Variants in HDAC9 observed in about 807,000 individuals in gnomAD.
The protein encoded by HDAC9 is histone deacetylase 9.
A neutral mutation model predicts 139.4 loss-of-function variants in HDAC9; 41 were observed. That is an observed-to-expected ratio of 0.29 (90% CI 0.23 to 0.38). The LOEUF (loss-of-function observed/expected upper bound fraction) is 0.38. Among genes scored for constraint, HDAC9 ranks in the 10% least tolerant of loss-of-function variants. The probability of loss-of-function intolerance (pLI) is 1.00; values close to 1 mark genes in which losing one functional copy is unlikely to be tolerated. For synonymous variants in HDAC9, 517 were observed against 476.2 expected, an observed-to-expected ratio of 1.09 and a Z score of -1.12; for missense variants, 1,147 against 1,297.0, an observed-to-expected ratio of 0.88 and a Z score of 1.78.
At chr7:18,901,927 G>T (rs927671382) in intron 22 of HDAC9, among the ~76,000 whole-genome samples, 9 of 152,130 alleles carry the variant, frequency 5.9e-5, no homozygotes, top group African/African-American at 2.2e-4. Context: ...CACAAGTTTT[G>T]TCTGGCCTTA....
intron 1 of HDAC9, among the ~76,000 whole-genome samples, chr7:18,138,458 A>T (rs997725031): frequency 6.6e-6 from 1 of 151,788 alleles, no homozygotes; most frequent in East Asian, 1.9e-4. Context: ...TGGAATAGAG[A>T]TGAGAGGGAG....
At chr7:18,119,125 T>C (rs968469076) in intron 1 of HDAC9, among the ~76,000 whole-genome samples, 28 of 152,176 alleles carry the variant, frequency 1.8e-4, no homozygotes, top group Admixed American at 4.6e-4. Flanking sequence ...GTCAAGAACA[T>C]GATAACAAAC....
At chr7:18,232,053 CTCA>C (rs2128184079) in intron 2 of HDAC9, among the ~76,000 whole-genome samples, 1 of 152,290 alleles carries the variant, frequency 6.6e-6, no homozygotes, top group African/African-American at 2.4e-5. Flanking sequence ...TTGTTGCTTA[CTCA>C]TCATAATTAT....
At chr7:18,356,058 A>AATTTATGG (rs1562910714) in intron 1 of HDAC9, among the ~76,000 whole-genome samples, 1 of 152,240 alleles carries the variant, frequency 6.6e-6, no homozygotes, top group East Asian at 1.9e-4. Flanking sequence ...TAAATGACCA[A>AATTTATGG]ATTTATGGTA....
rs571792108 is a variant in HDAC9, at chr7:18,278,456, A to G, written c.25+116107A>G. Among the ~76,000 whole-genome samples the G allele has an allele frequency of 2.8e-3, 427 of 152,338 alleles. 2 individuals are homozygous for G. Among genetic ancestry groups the G allele is most frequent in the Middle Eastern group, 6.8e-3 (2 of 294 alleles). On this transcript the variant is annotated intron_variant, in intron 2 of 12. Coordinates refer to the HDAC9 transcript ENST00000417496. ...TATAAATAGCTTTGCTGAGAGAGCA[A>G]CAAAGTTCTGTATTGTGCTGTTGCC...
At chr7:18,412,988 A>C (rs1285073953) in intron 1 of HDAC9, among the ~76,000 whole-genome samples, 1 of 152,194 alleles carries the variant, frequency 6.6e-6, no homozygotes, top group Non-Finnish European at 1.5e-5. Context: ...CAAGGTTTTA[A>C]AATATGTCCA....
chr7:18,995,612 C>A (rs1342636297), intron 25 of HDAC9, among the ~76,000 whole-genome samples: 1 of 152,156 alleles, frequency 6.6e-6, no homozygotes, highest in Non-Finnish European at 1.5e-5. Flanking sequence ...AAACCAGAGC[C>A]CTAGTGAGTC....
intron 13 of HDAC9, among the ~76,000 whole-genome samples, chr7:18,747,475 G>A (rs965681556): frequency 6.6e-6 from 1 of 152,212 alleles, no homozygotes; most frequent in Non-Finnish European, 1.5e-5. Flanking sequence ...AAGGTTTCTC[G>A]TATGAACAAT....
At chr7:18,745,528 A>ATT (rs1787861012) in intron 13 of HDAC9, among the ~76,000 whole-genome samples, 1 of 129,670 alleles carries the variant, frequency 7.7e-6, no homozygotes. Flanking sequence ...TAGACTCTCT[A>ATT]CTCTTTTTTT....
intron 1 of HDAC9, among the ~76,000 whole-genome samples, chr7:18,426,086 A>G (rs1191655441): frequency 6.6e-6 from 1 of 152,188 alleles, no homozygotes; most frequent in Non-Finnish European, 1.5e-5. Context: ...CAGTGTTTTC[A>G]TTTGATTTTT....
chr7:18,850,081 T>TAAAAAAAAAAAAAAAAAAAAA, intron 21 of HDAC9, among the ~76,000 whole-genome samples: 1 of 82,310 alleles, frequency 1.2e-5, no homozygotes, highest in Non-Finnish European at 2.6e-5. Context: ...AAAGCCTGAG[T>TAAAAAAAAAAAAAAAAAAAAA]AAAAAAAAAA....
chr7:18,892,057 ACAAT>A (rs1324181304), intron 22 of HDAC9: 1 of 152,220 alleles, frequency 6.6e-6, no homozygotes, highest in African/African-American at 2.4e-5. Flanking sequence ...CTCCCATGTA[ACAAT>A]CAAGAAAAGA....
intron 1 of HDAC9, among the ~76,000 whole-genome samples, chr7:18,451,836 C>G (rs1022847023): frequency 7.2e-5 from 11 of 151,890 alleles, no homozygotes; most frequent in African/African-American, 2.7e-4. Context: ...AAGCTTCACT[C>G]AAAGAAAAGA....
At chr7:18,716,696 G>A (rs543544659) in intron 12 of HDAC9, among the ~76,000 whole-genome samples, 1 of 152,278 alleles carries the variant, frequency 6.6e-6, no homozygotes, top group Non-Finnish European at 1.5e-5. Flanking sequence ...AAACAGTGTT[G>A]TTAAATAGGT....
At chr7:18,981,106 G>A (rs980907081) in intron 25 of HDAC9, among the ~76,000 whole-genome samples, 3 of 152,064 alleles carry the variant, frequency 2.0e-5, no homozygotes, top group Non-Finnish European at 2.9e-5. Context: ...TTACAGGTGT[G>A]AGCCACCGTG....
rs78400766 is a variant in HDAC9 at position 18,654,504 on chromosome 7, T to C, written c.1467+5821T>C. Among the ~76,000 whole-genome samples the C allele has an allele frequency of 4.7e-3, 712 of 152,188 alleles. 5 individuals carry two copies. Among genetic ancestry groups the C allele is most frequent in the African/African-American group, 0.016 (674 of 41,548 alleles). ...CTCACTCTTTTTTAGTTCAAGAAAA[T>C]TAATTTTACAGGGCTGAAGTAGATT... On this transcript the variant is annotated intron_variant, in intron 11 of 25. Coordinates refer to ENST00000686413, the MANE Select transcript of HDAC9 (RefSeq NM_178425.4).
At chr7:18,604,317 C>G (rs964881098) in intron 6 of HDAC9, among the ~76,000 whole-genome samples, 5 of 151,798 alleles carry the variant, frequency 3.3e-5, no homozygotes, top group African/African-American at 1.2e-4. Flanking sequence ...TTGTTTTTTG[C>G]CTTTCTTTTT....
chr7:18,737,011 T>G (rs1195878194), intron 13 of HDAC9, among the ~76,000 whole-genome samples: 1 of 152,204 alleles, frequency 6.6e-6, no homozygotes, highest in Non-Finnish European at 1.5e-5. Flanking sequence ...GATTTTCTAG[T>G]TTATTTGCAT....
At chr7:18,842,300 C>G (rs1796634360) in intron 21 of HDAC9, among the ~76,000 whole-genome samples, 1 of 152,044 alleles carries the variant, frequency 6.6e-6, no homozygotes, top group Admixed American at 6.6e-5. Flanking sequence ...CTGTACATAT[C>G]AAATTGGCCC....
Sources: allele counts gnomAD v4.1 joint callset (sites outside exome capture counted in the v4.1 genomes callset), GRCh38; gene constraint gnomAD v4.1.1; transcripts MANE v1.5; gene names NCBI Gene and HGNC (gene_info 2026-07-23, HGNC 2026-07-21).